ANGPT1: variants seen among roughly 807,000 people sequenced by gnomAD.
The protein encoded by ANGPT1 is angiopoietin 1.
A neutral mutation model predicts 62.2 loss-of-function variants in ANGPT1; 17 were observed. That is an observed-to-expected ratio of 0.27 (90% CI 0.19 to 0.41). The LOEUF (loss-of-function observed/expected upper bound fraction) is 0.41. ANGPT1 is among the 10% of genes least tolerant of loss of function. The pLI, the probability that ANGPT1 is intolerant of heterozygous loss-of-function variation, is 1.00. For missense variants in ANGPT1, 478 were observed against 594.9 expected (o/e 0.80, Z 2.04); for synonymous variants, 199 against 198.9 (o/e 1.00, Z 0.00).
intron 1 of ANGPT1, among the ~76,000 whole-genome samples, chr8:107,445,151 T>C (rs1002959583): frequency 6.6e-6 from 1 of 152,208 alleles, no homozygotes; most frequent in African/African-American, 2.4e-5. Context: ...TCCTATCATA[T>C]CAGAATCTTT....
In ANGPT1 at chr8:107,250,112, G is replaced by C. The variant is rs1405833045; in HGVS notation, c.*1743C>G. On this transcript the variant is annotated 3_prime_UTR_variant, in exon 9 of 9. Transcript: ENST00000517746. ...TTTCTCAAATGGAGGAAACCATTAAGGCATAGTGGATCAAGTCACCAAGTT... is the reference window on the plus strand; with the variant it reads ...TTTCTCAAATGGAGGAAACCATTAACGCATAGTGGATCAAGTCACCAAGTT... 6.6e-6 allele frequency: 1 copy of C among 152,326 alleles called. No individual in the cohort carries two copies. Among genetic ancestry groups the C allele is most frequent in the Non-Finnish European group, 1.5e-5 (1 of 67,998 alleles). The allele number at this position is 152,326 out of a possible 1,614,324, so 9.4% of individuals were successfully genotyped here. A position where few individuals can be genotyped will look rare whatever the true frequency, so the allele number is the denominator to read the frequency against.
chr8:107,381,281 T>A (rs918811976), intron 1 of ANGPT1, among the ~76,000 whole-genome samples: 1 of 152,194 alleles, frequency 6.6e-6, no homozygotes, highest in Non-Finnish European at 1.5e-5. Context: ...GGGGAAAAAC[T>A]TGAATCCAAA....
At chr8:107,358,020 T>C (rs950705786) in intron 1 of ANGPT1, among the ~76,000 whole-genome samples, 1 of 152,192 alleles carries the variant, frequency 6.6e-6, no homozygotes, top group Non-Finnish European at 1.5e-5. Context: ...ATATCTTGTT[T>C]ATGGGTTTTT....
chr8:107,310,982 AGTGT>A (rs57617011), intron 4 of ANGPT1, among the ~76,000 whole-genome samples: 14 of 82,806 alleles, frequency 1.7e-4, no homozygotes, highest in Middle Eastern at 8.3e-3. Context: ...TGTGTATGTG[AGTGT>A]GTGTGTATGT....
chr8:107,481,251 G>C (rs1448725643), intron 1 of ANGPT1, among the ~76,000 whole-genome samples: 1 of 152,044 alleles, frequency 6.6e-6, no homozygotes, highest in East Asian at 1.9e-4. Context: ...ATCTGTAAAA[G>C]GGGCCAGGTG....
chr8:107,314,465 C>G (rs1337871540), intron 4 of ANGPT1, among the ~76,000 whole-genome samples: 1 of 152,006 alleles, frequency 6.6e-6, no homozygotes, highest in Admixed American at 6.5e-5. Context: ...TGGCTATCCA[C>G]TATTCACAAT....
rs5893850 is a variant in ANGPT1 at position 107,364,971 on chromosome 8, GA to G, written c.298-17875del. ...GATTGGAGGAAGATTGCAGAAGGGGGAAAAAAAAAGACATTCTAAACATTAT... is the reference window on the plus strand; with the variant it reads ...GATTGGAGGAAGATTGCAGAAGGGGGAAAAAAAAGACATTCTAAACATTAT... On this transcript the variant is annotated intron_variant, in intron 1 of 8. Transcript: ENST00000517746. Among the ~76,000 whole-genome samples, 18 of 150,538 alleles carry G rather than the reference GA, an allele frequency of 1.2e-4. 1 individual carries two copies. In the East Asian group the frequency reaches 2.0e-3, roughly 16 times the overall value.
At chr8:107,289,553 C>T (rs1335275859) in intron 6 of ANGPT1, among the ~76,000 whole-genome samples, 1 of 152,080 alleles carries the variant, frequency 6.6e-6, no homozygotes, top group African/African-American at 2.4e-5. Flanking sequence ...TTGTGCATCT[C>T]CTCTAAATGC....
At chr8:107,460,392 T>A (rs139408806) in intron 1 of ANGPT1, among the ~76,000 whole-genome samples, 1 of 152,282 alleles carries the variant, frequency 6.6e-6, no homozygotes, top group African/African-American at 2.4e-5. Flanking sequence ...ACTGGCTGCC[T>A]ATTTTGATGT....
intron 1 of ANGPT1, among the ~76,000 whole-genome samples, chr8:107,370,723 G>A (rs1163852336): frequency 2.6e-4 from 20 of 75,732 alleles, no homozygotes; most frequent in East Asian, 1.4e-3. Flanking sequence ...AAAAAAAAAA[G>A]AGGAAGAAGA....
At chr8:107,457,993 T>C (rs923812468) in intron 1 of ANGPT1, among the ~76,000 whole-genome samples, 1 of 152,040 alleles carries the variant, frequency 6.6e-6, no homozygotes, top group Non-Finnish European at 1.5e-5. Flanking sequence ...AAAAATATTA[T>C]GATCATATTG....
intron 8 of ANGPT1, among the ~76,000 whole-genome samples, chr8:107,259,619 AAATTAT>A (rs1241359215): frequency 8.3e-4 from 126 of 152,254 alleles, no homozygotes; most frequent in African/African-American, 2.9e-3. Flanking sequence ...CTAAATATGG[AAATTAT>A]ACTGAAACTA....
chr8:107,413,014 A>T (rs1255433278), intron 1 of ANGPT1, among the ~76,000 whole-genome samples: 1 of 152,208 alleles, frequency 6.6e-6, no homozygotes, highest in Non-Finnish European at 1.5e-5. Flanking sequence ...TCAACTAAAA[A>T]GATGTGGCCA....
At chr8:107,390,477 C>T (rs1378512062) in intron 1 of ANGPT1, among the ~76,000 whole-genome samples, 1 of 152,100 alleles carries the variant, frequency 6.6e-6, no homozygotes, top group Non-Finnish European at 1.5e-5. Flanking sequence ...AAGTGACGTT[C>T]TGAAGCTAAT....
Position 107,354,075 on chromosome 8 carries a change from C to T in ANGPT1, c.298-6978G>A, listed in dbSNP as rs114030483. 3.8e-3 allele frequency among the ~76,000 whole-genome samples: 585 copies of T among 152,254 alleles called. 6 individuals are homozygous for T. The highest frequency in any genetic ancestry group is 0.014 in the African/African-American group (563 of 41,552). ...GTAATGATTCTTGTGGGACCACATT[C>T]TTGTGGCTGCTGAAAGTTGCCAAAG... On this transcript the variant is annotated intron_variant, in intron 1 of 8. Transcript: ENST00000517746.
In ANGPT1 at chr8:107,370,275, GAAGA is replaced by G. The variant is rs1391326184; in HGVS notation, c.298-23182_298-23179del. Among the ~76,000 whole-genome samples, 2 of 140,360 alleles carry G rather than the reference GAAGA, an allele frequency of 1.4e-5. 1 individual carries two copies. Among genetic ancestry groups the G allele is most frequent in the East Asian group, 4.3e-4 (2 of 4,646 alleles). 92.1% of individuals were successfully genotyped at this position (140,360 alleles called of 152,430 possible). On this transcript the variant is annotated intron_variant, in intron 1 of 8. Transcript: ENST00000517746. ...AGAGAGAAAAAGAAAGAGAAGGAAA[GAAGA>G]AAGAAAGAAAAGGAAAGAAGAAAGA...
Position 107,257,994 on chromosome 8 carries a change from T to C in ANGPT1, c.1337-5979A>G, listed in dbSNP as rs73700073. On this transcript the variant is annotated intron_variant, in intron 8 of 8. Coordinates refer to ENST00000517746, the MANE Select transcript of ANGPT1 (RefSeq NM_001146.5). ...TTTCTTCTTTCTTTCTTTTCCTTTC[T>C]CTTCTTTTTGTTCTAAAGATGAAAA... Among the ~76,000 whole-genome samples the C allele has an allele frequency of 3.7e-3, 564 of 151,392 alleles. 3 individuals carry two copies. The highest frequency in any genetic ancestry group is 0.013 in the African/African-American group (532 of 41,168).
rs563953415 is a variant in ANGPT1, at chr8:107,378,542, C to T, written c.298-31445G>A. Among the ~76,000 whole-genome samples, 114 of 152,192 alleles carry T rather than the reference C, an allele frequency of 7.5e-4. No homozygotes were observed. In the Middle Eastern group the frequency reaches 0.01, roughly 14 times the overall value. On this transcript the variant is annotated intron_variant, in intron 1 of 8. Coordinates refer to ENST00000517746, the MANE Select transcript of ANGPT1 (RefSeq NM_001146.5). Reference sequence around the variant, plus strand: ...TAACTATACTCTATGTACACTGTTACGGCTTGGCTCTATGTCCCCACTGAA... The same window carrying T: ...TAACTATACTCTATGTACACTGTTATGGCTTGGCTCTATGTCCCCACTGAA...
intron 1 of ANGPT1, among the ~76,000 whole-genome samples, chr8:107,397,441 TTGTGTGTG>T (rs3036540): frequency 2.7e-5 from 4 of 150,320 alleles, no homozygotes; most frequent in Non-Finnish European, 4.4e-5. Flanking sequence ...AAAATGTTGC[TTGTGTGTG>T]TGTGTGTGTG....
Sources: allele counts gnomAD v4.1 joint callset (sites outside exome capture counted in the v4.1 genomes callset), GRCh38; gene constraint gnomAD v4.1.1; transcripts MANE v1.5; gene names NCBI Gene and HGNC (gene_info 2026-07-23, HGNC 2026-07-21).